The following PSD4 variants were observed in gnomAD, a reference collection of about 807,000 sequenced individuals.
PSD4 encodes PH and SEC7 domain-containing protein 4.
Under a neutral mutation model 112.5 loss-of-function variants are expected in PSD4, and 59 were observed. That is an observed-to-expected ratio of 0.52 (90% CI 0.43 to 0.65). The LOEUF (loss-of-function observed/expected upper bound fraction) is 0.65, where lower values mean the gene tolerates loss of function less well. Ranked by LOEUF, PSD4 falls within the 30% of genes least tolerant of loss-of-function variation. PSD4 has a pLI of 0.00. For missense variants in PSD4, 1,267 were observed against 1,352.6 expected (o/e 0.94, Z 0.99); for synonymous variants, 533 against 540.0 (o/e 0.99, Z 0.18).
intron 5 of PSD4, among the ~76,000 whole-genome samples, chr2:113,190,276 T>C (rs1688410600): frequency 6.6e-6 from 1 of 152,230 alleles, no homozygotes; most frequent in African/African-American, 2.4e-5. Context: ...AAGTGTGTCC[T>C]CCTTGTGGCT....
chr2:113,178,845 A>G (rs1355024583), intron 1 of PSD4, among the ~76,000 whole-genome samples: 1 of 152,156 alleles, frequency 6.6e-6, no homozygotes, highest in Non-Finnish European at 1.5e-5. Context: ...GGGATTTTGC[A>G]TGGCAGGAGA....
chr2:113,176,679 C>T (rs932285486), intron 1 of PSD4, among the ~76,000 whole-genome samples: 14 of 152,200 alleles, frequency 9.2e-5, no homozygotes, highest in South Asian at 4.1e-4. Context: ...CTTCTGCTTT[C>T]GTTCTGGTTG....
rs45473901 is a variant in PSD4 at position 113,203,293 on chromosome 2, G to A, written c.*1878G>A. 9 of 152,200 alleles carry A rather than the reference G, an allele frequency of 5.9e-5. No individual in the cohort carries two copies. In the South Asian group the frequency reaches 1.9e-3, roughly 31 times the overall value. 9.4% of individuals were successfully genotyped at this position (152,200 alleles called of 1,614,324 possible). Reference sequence around the variant, plus strand: ...ACAGAGGCACTTTTATCTTGCTGGGGAAGTGTGCTGAAAAGACACATTCCC... The same window carrying A: ...ACAGAGGCACTTTTATCTTGCTGGGAAAGTGTGCTGAAAAGACACATTCCC... On this transcript the variant is annotated 3_prime_UTR_variant, in exon 17 of 17. Coordinates refer to ENST00000245796, the MANE Select transcript of PSD4 (RefSeq NM_012455.3).
chr2:113,185,059 C>A lies in PSD4; in HGVS notation c.1159C>A (p.Pro387Thr). ...ATCTGATCTTGGCCCTGCTGCACATCCTGTGCAACCTTGGGCAAGTCACTT... is the reference window on the plus strand; with the variant it reads ...ATCTGATCTTGGCCCTGCTGCACATACTGTGCAACCTTGGGCAAGTCACTT... ...VGSDLGPAAH[P>T]VQPWASLSPE... is the part of the protein sequence containing the mutation. The change falls in exon 3 of 17, where the codon CCT (proline) becomes ACT (threonine). Residue 387 changes from proline (P) to threonine (T), a missense_variant. Physicochemically the swap from Pro to Thr is conservative, Grantham distance 38. Around this residue, in one of 2 missense-constraint regions of PSD4, gnomAD observed 723 missense variants for 704.0 expected, o/e 1.03. Transcript: ENST00000245796. 6.2e-7 allele frequency: 1 copy of A among 1,614,222 alleles called. No individual in the cohort carries two copies. Among genetic ancestry groups the A allele is most frequent in the South Asian group, 1.1e-5 (1 of 91,084 alleles).
At chr2:113,188,505 G>A (rs45571632) in intron 5 of PSD4, among the ~76,000 whole-genome samples, 6,183 of 152,210 alleles carry the variant, frequency 0.041, 431 homozygotes, top group African/African-American at 0.14. Context: ...GAATCCACTC[G>A]CCTCAGTCTG....
At chr2:113,174,610 G>A (rs1411941165) in intron 1 of PSD4, among the ~76,000 whole-genome samples, 9 of 152,158 alleles carry the variant, frequency 5.9e-5, no homozygotes, top group Non-Finnish European at 1.5e-5. Context: ...GGGGCTCCCA[G>A]CTTCATCTTG....
intron 16 of PSD4, 93 bp from the exon 17 acceptor site, chr2:113,201,065 C>T (rs931771806): frequency 1.3e-6 from 2 of 1,499,652 alleles, no homozygotes; most frequent in Admixed American, 4.2e-5. Context: ...ATCGCCATAG[C>T]TTCATGTACC....
Position 113,192,430 on chromosome 2 carries a change from T to C in PSD4, c.1679T>C (p.Met560Thr). The C allele has an allele frequency of 2.5e-6, 4 of 1,614,218 alleles. No homozygotes were observed. Among genetic ancestry groups the C allele is most frequent in the Non-Finnish European group, 3.4e-6 (4 of 1,180,040 alleles). ...TCTTCTTGGCTTCCTGGGAGCCCTA[T>C]GCCCCAAGCACAGTCCCCAGAGGAA... ...MNSSWLPGSP[M>T]PQAQSPEEGQ... is the part of the protein sequence containing the mutation. Residue 560 changes from methionine to threonine, a missense_variant, in exon 6 of 17, where the codon ATG (methionine) becomes ACG (threonine). Physicochemically the swap from Met to Thr is moderately conservative, Grantham distance 81. Transcript: ENST00000245796.
chr2:113,177,903 C>T (rs1176944703), intron 1 of PSD4, among the ~76,000 whole-genome samples: 1 of 152,136 alleles, frequency 6.6e-6, no homozygotes, highest in Non-Finnish European at 1.5e-5. Flanking sequence ...AGTATAGTCA[C>T]ATTGAGTTTA....
chr2:113,183,633 G>A, intron 2 of PSD4, 121 bp downstream of exon 2: 3 of 962,244 alleles, frequency 3.1e-6, no homozygotes, highest in Non-Finnish European at 4.5e-6. Context: ...GGGATAACCT[G>A]CATCAGTATA....
chr2:113,193,709 G>A, intron 9 of PSD4, 59 bp downstream of exon 9: 2 of 1,575,704 alleles, frequency 1.3e-6, no homozygotes, highest in East Asian at 2.2e-5. Flanking sequence ...GTGCGGGGAG[G>A]AGAAGACCAG....
chr2:113,174,925 C>T lies in PSD4; in HGVS notation c.-112+871C>T, dbSNP rs191609065. Among the ~76,000 whole-genome samples, 207 of 152,316 alleles carry T rather than the reference C, an allele frequency of 1.4e-3. 2 individuals are homozygous for T. The highest frequency in any genetic ancestry group is 6.6e-3 in the Admixed American group (101 of 15,310). Reference sequence around the variant, plus strand: ...CTGTCATTAGCTGATGATAAATACTCCTCCGTTCATTGGACCTTGGACCAG... The same window carrying T: ...CTGTCATTAGCTGATGATAAATACTTCTCCGTTCATTGGACCTTGGACCAG... On this transcript the variant is annotated intron_variant, in intron 1 of 16. Transcript: ENST00000245796.
chr2:113,194,052 C>T, intron 10 of PSD4, 104 bp downstream of exon 10: 1 of 1,092,486 alleles, frequency 9.2e-7, no homozygotes, highest in South Asian at 1.5e-5. Flanking sequence ...GCCAAAATAT[C>T]CTTGAGAGAA....
In PSD4 at chr2:113,181,302, A is replaced by C. The variant is rs982297019; in HGVS notation, c.-111-1044A>C. Among the ~76,000 whole-genome samples the C allele has an allele frequency of 3.3e-5, 5 of 151,942 alleles. No homozygotes were observed. The East Asian group carries it at 9.6e-4, about 29-fold the overall frequency. ...TAAGGACCTGTGTACTTGACCCTGC[A>C]CTTCCACTTTGTGGAGAGCCAGCAC... is the stretch of plus-strand genomic sequence containing the variant. On this transcript the variant is annotated intron_variant, in intron 1 of 16. Coordinates refer to ENST00000245796, the MANE Select transcript of PSD4 (RefSeq NM_012455.3).
intron 1 of PSD4, among the ~76,000 whole-genome samples, chr2:113,177,277 A>G (rs1421868257): frequency 6.6e-6 from 1 of 152,208 alleles, no homozygotes; most frequent in Admixed American, 6.5e-5. Context: ...CTCTTCTCCA[A>G]GCCTCGGTCT....
chr2:113,177,464 T>G (rs886934447), intron 1 of PSD4, among the ~76,000 whole-genome samples: 3 of 152,194 alleles, frequency 2.0e-5, no homozygotes, highest in African/African-American at 7.2e-5. Context: ...GTGACTCAAG[T>G]GAATTCAGGA....
In PSD4 at chr2:113,197,910, C is replaced by T. The variant is rs772090489; in HGVS notation, c.2621C>T (p.Ala874Val). ...TADWRLYLFQAPTAKEMSSWI... is the reference protein window; with the variant it reads ...TADWRLYLFQVPTAKEMSSWI... ...GACTGGCGCCTCTACCTCTTCCAGG[C>T]ACCGTAAGTCCCTGGGGTGGGAGAC... Residue 874 changes from alanine to valine, a missense_variant, in exon 14 of 17, where the codon GCA becomes GTA. Coordinates refer to ENST00000245796, the MANE Select transcript of PSD4 (RefSeq NM_012455.3). 1.3e-6 allele frequency: 2 copies of T among 1,575,058 alleles called. No homozygotes were observed. Among genetic ancestry groups the T allele is most frequent in the South Asian group, 1.2e-5 (1 of 86,852 alleles).
intron 1 of PSD4, among the ~76,000 whole-genome samples, chr2:113,182,054 GAGA>G (rs1291770201): frequency 2.6e-5 from 4 of 152,228 alleles, no homozygotes; most frequent in Non-Finnish European, 4.4e-5. Flanking sequence ...AAATGCCCAA[GAGA>G]AGGATCTGAT....
chr2:113,180,868 C>T (rs1164578271), intron 1 of PSD4, among the ~76,000 whole-genome samples: 3 of 152,046 alleles, frequency 2.0e-5, no homozygotes, highest in Non-Finnish European at 4.4e-5. Flanking sequence ...CAAGCACGCA[C>T]GTAAGCCTTC....
Sources: allele counts gnomAD v4.1 joint callset (sites outside exome capture counted in the v4.1 genomes callset), GRCh38; gene constraint gnomAD v4.1.1; regional missense constraint gnomAD v4.1.1; transcripts MANE v1.5; gene names NCBI Gene and HGNC (gene_info 2026-07-23, HGNC 2026-07-21).